Variants in SNTG1 observed in about 807,000 individuals in gnomAD.
SNTG1 encodes the protein syntrophin gamma 1.
A neutral mutation model predicts 74.7 loss-of-function variants in SNTG1; 39 were observed. The ratio of observed to expected loss-of-function variants is 0.52; its 90% CI spans 0.40 to 0.68. The LOEUF (loss-of-function observed/expected upper bound fraction) is 0.68. Among genes scored for constraint, SNTG1 ranks in the 30% least tolerant of loss-of-function variants. SNTG1 has a pLI of 0.00. For missense variants in SNTG1, 685 were observed against 609.5 expected (o/e 1.12, Z -1.30); for synonymous variants, 254 against 217.1 (o/e 1.17, Z -1.49).
intron 9 of SNTG1, among the ~76,000 whole-genome samples, chr8:50,511,606 C>T (rs1287254159): frequency 1.3e-5 from 2 of 152,080 alleles, no homozygotes; most frequent in Non-Finnish European, 2.9e-5. Flanking sequence ...CTCCTGTATT[C>T]AGTCCATGCA....
intron 4 of SNTG1, among the ~76,000 whole-genome samples, chr8:50,430,179 T>C (rs979534364): frequency 1.3e-5 from 2 of 152,330 alleles, no homozygotes; most frequent in Non-Finnish European, 1.5e-5. Context: ...AATGCACAAC[T>C]GTGACTATGC....
Position 50,448,599 on chromosome 8 carries a change from A to G in SNTG1, c.220-1069A>G, listed in dbSNP as rs1192246873. Among the ~76,000 whole-genome samples the G allele has an allele frequency of 5.3e-5, 8 of 152,098 alleles. 1 individual carries two copies. The highest frequency in any genetic ancestry group is 1.3e-4 in the Admixed American group (2 of 15,278). The stretch of plus-strand genomic sequence containing the variant: ...TTTTATGTACTGATTTCATTTCTCT[A>G]CTACTGCTTTTAACCTTCTCAACTC... On this transcript the variant is annotated intron_variant, in intron 5 of 18. Coordinates refer to ENST00000642720, the MANE Select transcript of SNTG1 (RefSeq NM_018967.5).
intron 1 of SNTG1, among the ~76,000 whole-genome samples, chr8:50,161,400 A>C (rs1422838837): frequency 6.6e-6 from 1 of 152,214 alleles, no homozygotes; most frequent in African/African-American, 2.4e-5. Flanking sequence ...TATAGGGCCA[A>C]AGTGAAGGAA....
chr8:50,278,324 G>A (rs1358181744), intron 2 of SNTG1, among the ~76,000 whole-genome samples: 1 of 151,978 alleles, frequency 6.6e-6, no homozygotes, highest in African/African-American at 2.4e-5. Flanking sequence ...TTATTTATAG[G>A]TCTTTAATCC....
At chr8:50,688,369 C>T (rs2095362223) in intron 15 of SNTG1, among the ~76,000 whole-genome samples, 1 of 152,142 alleles carries the variant, frequency 6.6e-6, no homozygotes, top group South Asian at 2.1e-4. Context: ...AGGTTTTCTT[C>T]TAGGGTTTTT....
At chr8:50,731,228 C>G (rs903941100) in intron 17 of SNTG1, among the ~76,000 whole-genome samples, 7 of 151,992 alleles carry the variant, frequency 4.6e-5, no homozygotes, top group African/African-American at 1.7e-4. Flanking sequence ...GAGTTCAGGC[C>G]AGTGCCTGGA....
At chr8:50,229,951 T>C (rs942643655) in intron 2 of SNTG1, among the ~76,000 whole-genome samples, 3 of 151,544 alleles carry the variant, frequency 2.0e-5, no homozygotes, top group African/African-American at 7.2e-5. Flanking sequence ...CCTCCAATAT[T>C]TGACGATTAA....
At chr8:50,135,667 A>C (rs2131429045) in intron 1 of SNTG1, among the ~76,000 whole-genome samples, 1 of 152,210 alleles carries the variant, frequency 6.6e-6, no homozygotes, top group South Asian at 2.1e-4. Context: ...CTGCTTTTAA[A>C]AACTTTATTT....
At chr8:50,781,844 G>A (rs747753116) in intron 18 of SNTG1, among the ~76,000 whole-genome samples, 136 of 152,204 alleles carry the variant, frequency 8.9e-4, no homozygotes, top group Middle Eastern at 6.8e-3. Flanking sequence ...GGCTGGTACC[G>A]TTTTTTCCTT....
chr8:50,652,550 A>G (rs1455966375), intron 13 of SNTG1, among the ~76,000 whole-genome samples: 1 of 152,152 alleles, frequency 6.6e-6, no homozygotes, highest in African/African-American at 2.4e-5. Flanking sequence ...TAATCTTACC[A>G]CTTTGGGAAG....
intron 1 of SNTG1, among the ~76,000 whole-genome samples, chr8:49,982,635 A>AGT (rs35133955): frequency 0.27 from 38,521 of 142,854 alleles, 6,053 homozygotes; most frequent in African/African-American, 0.45. Context: ...AGCCCAAAAC[A>AGT]GTGTGTGTGT....
chr8:50,416,367 A>G (rs1374609070), intron 4 of SNTG1, among the ~76,000 whole-genome samples: 4 of 152,142 alleles, frequency 2.6e-5, no homozygotes, highest in Non-Finnish European at 1.5e-5. Flanking sequence ...TTACTTTCCT[A>G]TACAGTGGGC....
rs2095453686 is a variant in SNTG1, at chr8:50,708,981, A to C, written c.1284+3A>C. 2 of 1,608,340 alleles carry C rather than the reference A, an allele frequency of 1.2e-6. No homozygotes were observed. Among genetic ancestry groups the C allele is most frequent in the Non-Finnish European group, 1.7e-6 (2 of 1,175,004 alleles). The stretch of plus-strand genomic sequence containing the variant: ...TCTGCTTTGATGCTGCAACAAAGGT[A>C]ATGTGTTCAGGTCAGCTCTGAGAAA... On this transcript the variant is annotated splice_donor_region_variant and intron_variant, in intron 17 of 18. Coordinates refer to ENST00000642720, the MANE Select transcript of SNTG1 (RefSeq NM_018967.5).
chr8:50,403,411 A>G (rs2092830913), intron 4 of SNTG1, among the ~76,000 whole-genome samples: 2 of 152,188 alleles, frequency 1.3e-5, no homozygotes, highest in Non-Finnish European at 2.9e-5. Context: ...ATTCTGAATC[A>G]TGGGCCTGGA....
At chr8:50,713,072 C>T (rs1471945981) in intron 17 of SNTG1, among the ~76,000 whole-genome samples, 1 of 152,162 alleles carries the variant, frequency 6.6e-6, no homozygotes, top group Non-Finnish European at 1.5e-5. Flanking sequence ...TGAGGAATCA[C>T]CACACTGTCT....
At chr8:50,063,188 ATT>A (rs1241829751) in intron 1 of SNTG1, among the ~76,000 whole-genome samples, 1 of 152,228 alleles carries the variant, frequency 6.6e-6, no homozygotes, top group Non-Finnish European at 1.5e-5. Context: ...CAGATATCCA[ATT>A]TTATTAGCAA....
At chr8:50,175,712 A>C (rs1370465360) in intron 2 of SNTG1, among the ~76,000 whole-genome samples, 1 of 152,206 alleles carries the variant, frequency 6.6e-6, no homozygotes, top group Non-Finnish European at 1.5e-5. Flanking sequence ...GGCAGTTGTA[A>C]GGAAAATAAT....
intron 9 of SNTG1, among the ~76,000 whole-genome samples, chr8:50,518,930 G>C (rs1457072366): frequency 6.6e-6 from 1 of 152,130 alleles, no homozygotes; most frequent in Non-Finnish European, 1.5e-5. Flanking sequence ...TTGAAAAAGA[G>C]GGACTCCTCC....
chr8:50,334,149 G>A (rs141546272), intron 2 of SNTG1, among the ~76,000 whole-genome samples: 4 of 151,992 alleles, frequency 2.6e-5, no homozygotes, highest in African/African-American at 7.3e-5. Context: ...TGCCCTCCTC[G>A]GCCTCCCAAA....
Sources: allele counts gnomAD v4.1 joint callset (sites outside exome capture counted in the v4.1 genomes callset), GRCh38; gene constraint gnomAD v4.1.1; transcripts MANE v1.5; gene names NCBI Gene and HGNC (gene_info 2026-07-23, HGNC 2026-07-21).